The following PDE4D variants were observed in gnomAD, a reference collection of about 807,000 sequenced individuals.
The protein encoded by PDE4D is 3',5'-cyclic-AMP phosphodiesterase 4D.
PDE4D carries 24 observed loss-of-function variants against 87.4 expected under a neutral mutation model. That is an observed-to-expected ratio of 0.27 (90% CI 0.20 to 0.39). The LOEUF (loss-of-function observed/expected upper bound fraction) is 0.39, where lower values mean the gene tolerates loss of function less well. Ranked by LOEUF, PDE4D falls within the 10% of genes least tolerant of loss-of-function variation. PDE4D has a pLI of 1.00. For missense variants in PDE4D, 714 were observed against 1,041.0 expected (o/e 0.69, Z 4.32); for synonymous variants, 384 against 383.2 (o/e 1.00, Z -0.02).
intron 5 of PDE4D, among the ~76,000 whole-genome samples, chr5:59,098,888 T>A (rs1214942943): frequency 6.6e-6 from 1 of 152,164 alleles, no homozygotes; most frequent in Non-Finnish European, 1.5e-5. Context: ...TGGCTACTGA[T>A]GCTCCAGCCA....
intron 1 of PDE4D, among the ~76,000 whole-genome samples, chr5:60,330,002 G>A (rs1485268551): frequency 6.6e-6 from 1 of 152,102 alleles, no homozygotes; most frequent in Non-Finnish European, 1.5e-5. Context: ...AAAACCATTT[G>A]CTTAAGAGAA....
chr5:59,568,935 C>T (rs1006009822), intron 1 of PDE4D, among the ~76,000 whole-genome samples: 2 of 151,996 alleles, frequency 1.3e-5, no homozygotes, highest in Admixed American at 1.3e-4. Flanking sequence ...TTCATTGTAA[C>T]AAAAGTATCA....
At chr5:59,490,799 G>A (rs1261162341) in intron 1 of PDE4D, among the ~76,000 whole-genome samples, 1 of 152,172 alleles carries the variant, frequency 6.6e-6, no homozygotes, top group Non-Finnish European at 1.5e-5. Flanking sequence ...GAATCAATTG[G>A]CAACTGACGT....
intron 2 of PDE4D, among the ~76,000 whole-genome samples, chr5:60,040,946 T>A (rs1768411006): frequency 6.6e-6 from 1 of 152,222 alleles, no homozygotes; most frequent in African/African-American, 2.4e-5. Flanking sequence ...CTCCTCACTA[T>A]AAGTTGAATG....
At chr5:59,750,898 T>C (rs1055421995) in intron 1 of PDE4D, among the ~76,000 whole-genome samples, 1 of 143,336 alleles carries the variant, frequency 7.0e-6, no homozygotes, top group South Asian at 2.2e-4. Flanking sequence ...GCAGTGATCA[T>C]GCCACTTTAC....
chr5:59,497,221 A>T (rs1167530496), intron 1 of PDE4D, among the ~76,000 whole-genome samples: 1 of 152,178 alleles, frequency 6.6e-6, no homozygotes, highest in Non-Finnish European at 1.5e-5. Context: ...AAGAAAAGAA[A>T]AAAGCATCAG....
At chr5:59,079,113 C>T (rs948134638) in intron 5 of PDE4D, among the ~76,000 whole-genome samples, 1 of 152,066 alleles carries the variant, frequency 6.6e-6, no homozygotes, top group Non-Finnish European at 1.5e-5. Context: ...GTTAGAGCAG[C>T]ACAAAATGGA....
At chr5:59,363,273 A>G (rs1388378364) in intron 1 of PDE4D, among the ~76,000 whole-genome samples, 2 of 152,168 alleles carry the variant, frequency 1.3e-5, no homozygotes, top group African/African-American at 2.4e-5. Context: ...ATTTTAGGGT[A>G]TACTATATAT....
chr5:59,882,078 T>G (rs1428756965), intron 1 of PDE4D, among the ~76,000 whole-genome samples: 3 of 152,234 alleles, frequency 2.0e-5, no homozygotes, highest in Admixed American at 6.5e-5. Context: ...TTTGGATATT[T>G]CAGCTATTTA....
intron 5 of PDE4D, chr5:59,091,088 T>C (rs1355503874): frequency 2.2e-6 from 1 of 454,120 alleles, no homozygotes; most frequent in Admixed American, 2.4e-5. Context: ...TCACTCTCAT[T>C]AGTAATCAGA....
At chr5:60,426,841 G>T (rs1229175515) in intron 1 of PDE4D, among the ~76,000 whole-genome samples, 1 of 152,118 alleles carries the variant, frequency 6.6e-6, no homozygotes. Flanking sequence ...CAGGAAATAT[G>T]ATCTCAAGGA....
intron 1 of PDE4D, among the ~76,000 whole-genome samples, chr5:59,747,265 G>A (rs887205042): frequency 8.5e-5 from 13 of 152,106 alleles, no homozygotes; most frequent in Non-Finnish European, 2.9e-5. Flanking sequence ...ATTGACCTTA[G>A]AAGTTGTTCT....
rs1763460676 is a variant in PDE4D at position 59,771,459 on chromosome 5, A to AAG, written c.455+121707_455+121708dup. Among the ~76,000 whole-genome samples, 5 of 76,534 alleles carry AAG rather than the reference A, an allele frequency of 6.5e-5. 1 individual carries two copies. Among genetic ancestry groups the AAG allele is most frequent in the African/African-American group, 3.0e-4 (5 of 16,674 alleles). The allele number at this position is 76,534 out of a possible 152,430, so 50.2% of individuals were successfully genotyped here. On this transcript the variant is annotated intron_variant, in intron 1 of 14. Transcript: ENST00000340635. ...AAAGAAAGAAAGAAAGAAAGAAAGA[A>AAG]AGAAAGAAAGAAAGAAAGAAAGAAA... is the stretch of plus-strand genomic sequence containing the variant.
intron 2 of PDE4D, among the ~76,000 whole-genome samples, chr5:60,107,538 A>G (rs540863201): frequency 6.6e-6 from 1 of 152,084 alleles, no homozygotes; most frequent in African/African-American, 2.4e-5. Flanking sequence ...TACCAAAGCC[A>G]GGCAGAGACA....
chr5:59,638,147 G>T (rs1202380468), intron 1 of PDE4D, among the ~76,000 whole-genome samples: 2 of 152,174 alleles, frequency 1.3e-5, no homozygotes, highest in Non-Finnish European at 2.9e-5. Flanking sequence ...AAAGTGATTT[G>T]AGAAGGGATT....
chr5:59,890,600 C>A (rs1750819132), intron 1 of PDE4D, among the ~76,000 whole-genome samples: 2 of 152,164 alleles, frequency 1.3e-5, no homozygotes, highest in African/African-American at 4.8e-5. Context: ...ATATAAACTT[C>A]ACGTTGGTTT....
At chr5:60,048,116 G>T (rs1200859237) in intron 2 of PDE4D, among the ~76,000 whole-genome samples, 1 of 151,936 alleles carries the variant, frequency 6.6e-6, no homozygotes, top group African/African-American at 2.4e-5. Context: ...TTACCATTAT[G>T]TAATGGCCTT....
intron 1 of PDE4D, among the ~76,000 whole-genome samples, chr5:59,671,016 C>T (rs906095961): frequency 2.0e-5 from 3 of 152,154 alleles, no homozygotes; most frequent in African/African-American, 2.4e-5. Flanking sequence ...TATACCCACA[C>T]ACTTTCAACA....
At chr5:60,431,271 T>C (rs1296448365) in intron 1 of PDE4D, among the ~76,000 whole-genome samples, 1 of 141,628 alleles carries the variant, frequency 7.1e-6, no homozygotes, top group South Asian at 2.4e-4. Context: ...TCCTCACTTC[T>C]CAGACGGGGC....
Sources: gnomAD v4.1 joint callset for allele counts (sites outside exome capture counted in the v4.1 genomes callset) on GRCh38, gnomAD v4.1.1 for gene constraint, MANE v1.5 for transcripts, NCBI Gene and HGNC (gene_info 2026-07-23, HGNC 2026-07-21) for gene names.